Variants in FAAH2 observed in about 807,000 individuals in gnomAD.
The protein encoded by FAAH2 is fatty-acid amide hydrolase 2.
FAAH2 carries 60 observed loss-of-function variants against 36.9 expected under a neutral mutation model. The observed-to-expected ratio is 1.63, with a 90% CI of 1.32 to 2.02. The LOEUF is 2.02. Ranked by LOEUF, FAAH2 falls within the 30% of genes most tolerant of loss-of-function variation. The probability of loss-of-function intolerance (pLI) is 0.00; values close to 1 mark genes in which losing one functional copy is unlikely to be tolerated. For synonymous variants in FAAH2, 214 were observed against 143.8 expected, an observed-to-expected ratio of 1.49 and a Z score of -3.49; for missense variants, 689 against 397.5, an observed-to-expected ratio of 1.73 and a Z score of -6.23.
intron 7 of FAAH2, among the ~76,000 whole-genome samples, chrX:57,418,079 C>T (rs1201195957): frequency 1.8e-5 from 2 of 111,429 alleles, no homozygotes; most frequent in Admixed American, 9.5e-5. Context: ...CTCCCTCCCC[C>T]CACCATGCCA....
chrX:57,229,760 C>G, the FAAH2 span, among the ~76,000 whole-genome samples: 2 of 111,780 alleles, frequency 1.8e-5, no homozygotes, highest in African/African-American at 6.5e-5. Context: ...ACCATTTTCT[C>G]TATACTTGTT....
At chrX:57,238,293 A>G in the FAAH2 span, among the ~76,000 whole-genome samples, 1 of 112,448 alleles carries the variant, frequency 8.9e-6, no homozygotes, top group African/African-American at 3.2e-5. Context: ...TGTTAAATAT[A>G]CACCATGGAA....
At chrX:57,157,893 C>T in the FAAH2 span, among the ~76,000 whole-genome samples, 171 of 110,032 alleles carry the variant, frequency 1.6e-3, no homozygotes, top group African/African-American at 5.5e-3. Flanking sequence ...TACATGTGCA[C>T]AATGTGCAGG....
chrX:57,460,914 G>A (rs879023092), intron 10 of FAAH2, among the ~76,000 whole-genome samples: 3 of 111,268 alleles, frequency 2.7e-5, no homozygotes, highest in South Asian at 7.5e-4. Context: ...CCCACCTCAC[G>A]TGCAAAGACG....
chrX:57,335,448 GA>G (rs2053522355), intron 4 of FAAH2, among the ~76,000 whole-genome samples: 1 of 112,299 alleles, frequency 8.9e-6, no homozygotes, highest in African/African-American at 3.2e-5. Flanking sequence ...ACAAGGTAAA[GA>G]AAAAAGTGCT....
chrX:57,252,093 A>G, the FAAH2 span, among the ~76,000 whole-genome samples: 13 of 112,743 alleles, frequency 1.2e-4, no homozygotes, highest in African/African-American at 4.2e-4. Context: ...GGTGGTTCCC[A>G]CACCCACAGA....
chrX:57,327,358 C>T (rs1053601034), intron 3 of FAAH2, among the ~76,000 whole-genome samples: 6 of 109,737 alleles, frequency 5.5e-5, no homozygotes, highest in African/African-American at 1.3e-4. Flanking sequence ...GTTCTGTTCT[C>T]TGTATTTCCT....
chrX:57,145,054 T>G, the FAAH2 span, among the ~76,000 whole-genome samples: 1 of 111,473 alleles, frequency 9.0e-6, no homozygotes, highest in South Asian at 3.7e-4. Flanking sequence ...ATCTTTTTTG[T>G]ATAATGACTT....
the FAAH2 span, among the ~76,000 whole-genome samples, chrX:57,267,060 C>T: frequency 8.9e-5 from 10 of 111,906 alleles, no homozygotes; most frequent in Non-Finnish European, 1.5e-4. Flanking sequence ...AGGTGCCCTG[C>T]GAGCCCACAC....
chrX:57,392,528 A>T (rs2055190788), intron 7 of FAAH2: 1 of 755,954 alleles, frequency 1.3e-6, no homozygotes. Context: ...TTAGTTTCAG[A>T]TCTTCTGGGC....
At chrX:57,365,297 A>G (rs940677237) in intron 5 of FAAH2, among the ~76,000 whole-genome samples, 2 of 111,712 alleles carry the variant, frequency 1.8e-5, no homozygotes, top group Non-Finnish European at 3.8e-5. Context: ...AAAAGATTTT[A>G]TTTCTCTTTC....
the FAAH2 span, among the ~76,000 whole-genome samples, chrX:57,182,580 G>T: frequency 9.0e-6 from 1 of 111,461 alleles, no homozygotes; most frequent in Non-Finnish European, 1.9e-5. Flanking sequence ...AAAAAGGAAT[G>T]ATTTCCCTCT....
intron 4 of FAAH2, among the ~76,000 whole-genome samples, chrX:57,339,565 G>GA (rs112109613): frequency 0.36 from 39,704 of 109,513 alleles, 6,234 homozygotes; most frequent in Middle Eastern, 0.6. Flanking sequence ...AAATTTACAA[G>GA]AAAAAAACAT....
intron 7 of FAAH2, among the ~76,000 whole-genome samples, chrX:57,412,946 G>C (rs1371342571): frequency 1.8e-5 from 2 of 112,378 alleles, no homozygotes; most frequent in African/African-American, 6.5e-5. Flanking sequence ...TCTCATTGTG[G>C]TTTTGATTTG....
At chrX:57,213,593 G>A in the FAAH2 span, among the ~76,000 whole-genome samples, 16 of 111,497 alleles carry the variant, frequency 1.4e-4, no homozygotes, top group Non-Finnish European at 2.6e-4. Flanking sequence ...ATCAAAAGAC[G>A]CTTCAGGAGT....
the FAAH2 span, among the ~76,000 whole-genome samples, chrX:57,256,862 C>A: frequency 8.9e-6 from 1 of 112,021 alleles, no homozygotes; most frequent in Admixed American, 9.5e-5. Context: ...AAGCAAAAAA[C>A]CACATCCAAA....
At chrX:57,144,081 G>A in the FAAH2 span, among the ~76,000 whole-genome samples, 1 of 111,958 alleles carries the variant, frequency 8.9e-6, no homozygotes, top group Non-Finnish European at 1.9e-5. Flanking sequence ...TAACTTTGCT[G>A]GCAGTATTCT....
chrX:57,382,905 A>G (rs1467331456), intron 7 of FAAH2, among the ~76,000 whole-genome samples: 1 of 111,839 alleles, frequency 8.9e-6, no homozygotes, highest in Non-Finnish European at 1.9e-5. Flanking sequence ...AACCCTGATG[A>G]ACATCGATGC....
chrX:57,220,238 G>T, the FAAH2 span, among the ~76,000 whole-genome samples: 1 of 107,782 alleles, frequency 9.3e-6, no homozygotes, highest in Non-Finnish European at 1.9e-5. Context: ...CCTCCTCATT[G>T]TCTTCTCAGC....
Sources: gnomAD v4.1 joint callset for allele counts (sites outside exome capture counted in the v4.1 genomes callset) on GRCh38, gnomAD v4.1.1 for gene constraint, MANE v1.5 for transcripts, NCBI Gene and HGNC (gene_info 2026-07-23, HGNC 2026-07-21) for gene names.